Variants in RGS22 observed in about 807,000 individuals in gnomAD.
RGS22 encodes the protein regulator of G-protein signaling 22.
RGS22 carries 148 observed loss-of-function variants against 172.9 expected under a neutral mutation model. The ratio of observed to expected loss-of-function variants is 0.86; its 90% CI spans 0.75 to 0.98. RGS22 has a LOEUF of 0.98. Ranked by LOEUF, RGS22 falls within the 50% of genes least tolerant of loss-of-function variation. RGS22 has a pLI of 0.00. For missense variants in RGS22, 1,347 were observed against 1,440.8 expected (o/e 0.93, Z 1.05); for synonymous variants, 458 against 480.2 (o/e 0.95, Z 0.60).
At position 100,066,234 on chromosome 8, in the gene RGS22, T is replaced by C; in HGVS notation, c.657A>G (p.Ser219=). Reference sequence around the variant, plus strand: ...GTACACAACAGGGTAACGAAAAGGTTGATACTGTTTGCTGACTTTGTTTTG... The same window carrying C: ...GTACACAACAGGGTAACGAAAAGGTCGATACTGTTTGCTGACTTTGTTTTG... The part of the protein sequence containing the change: ...ALAKQSQQTV[S]TFSLPCCVPY... Residue 219 remains serine (S), a synonymous_variant, in exon 7 of 28, where the codon TCA becomes TCG. Transcript: ENST00000360863. The C allele has an allele frequency of 6.2e-7, 1 of 1,613,366 alleles. No individual in the cohort carries two copies. The highest frequency in any genetic ancestry group is 8.5e-7 in the Non-Finnish European group (1 of 1,179,382).
In RGS22 at chr8:100,071,361, A is replaced by T; in HGVS notation, c.594+8T>A. 1 of 1,593,802 alleles carries T rather than the reference A, an allele frequency of 6.3e-7. No homozygotes were observed. Among genetic ancestry groups the T allele is most frequent in the Non-Finnish European group, 8.5e-7 (1 of 1,172,158 alleles). ...CGCTAAGTCATGAAAAAATGCTCAT[A>T]CTTTTACCTCACCAAGTGATACATA... On this transcript the variant is annotated splice_region_variant and intron_variant, in intron 6 of 27. Coordinates refer to ENST00000360863, the MANE Select transcript of RGS22 (RefSeq NM_015668.5).
At chr8:100,041,434 G>A (rs1820101600) in intron 12 of RGS22, among the ~76,000 whole-genome samples, 1 of 150,550 alleles carries the variant, frequency 6.6e-6, no homozygotes, top group African/African-American at 2.4e-5. Context: ...AGGTTGCAGT[G>A]AGCCAAGACC....
chr8:100,022,662 A>C (rs1443116975), intron 14 of RGS22, among the ~76,000 whole-genome samples: 1 of 152,112 alleles, frequency 6.6e-6, no homozygotes, highest in Non-Finnish European at 1.5e-5. Flanking sequence ...ATATACATTT[A>C]AACTAATGGA....
At chr8:100,023,578 C>T (rs1817845210) in intron 14 of RGS22, among the ~76,000 whole-genome samples, 1 of 152,084 alleles carries the variant, frequency 6.6e-6, no homozygotes, top group South Asian at 2.1e-4. Flanking sequence ...GGACTACAAG[C>T]ACGGGCCACC....
chr8:100,101,051 T>A (rs1224030931), intron 2 of RGS22, among the ~76,000 whole-genome samples: 1 of 152,186 alleles, frequency 6.6e-6, no homozygotes, highest in Non-Finnish European at 1.5e-5. Flanking sequence ...GAAGACTTGA[T>A]AAAGACTTTT....
chr8:100,014,604 G>A (rs951266445), intron 14 of RGS22, among the ~76,000 whole-genome samples: 5 of 151,762 alleles, frequency 3.3e-5, no homozygotes, highest in African/African-American at 7.3e-5. Flanking sequence ...CTCTGACTTC[G>A]CCAACCCTTT....
chr8:100,045,756 T>C (rs1820653209), intron 11 of RGS22, among the ~76,000 whole-genome samples: 2 of 151,116 alleles, frequency 1.3e-5, no homozygotes, highest in African/African-American at 4.8e-5. Flanking sequence ...AATTGTTGAA[T>C]TAATGTTGAA....
intron 23 of RGS22, among the ~76,000 whole-genome samples, chr8:99,967,554 G>A (rs565326418): frequency 2.0e-5 from 3 of 152,238 alleles, no homozygotes; most frequent in East Asian, 1.9e-4. Flanking sequence ...GGGGAGGGGC[G>A]TCTGCCATTA....
In RGS22 at chr8:100,039,992, AAAG is replaced by A. The variant is rs1452475296; in HGVS notation, c.2031_2033del (p.Phe678del). On this transcript the variant is annotated inframe_deletion, in exon 13 of 28. Transcript: ENST00000360863. ...TCCCTGAATGCTCGCAGAATTTAGT[AAAG>A]AAGAATCCAGCTCTATTTTCTACAT... is the stretch of plus-strand genomic sequence containing the variant. The A allele has an allele frequency of 1.9e-6, 3 of 1,591,776 alleles. No homozygotes were observed. In the African/African-American group the frequency reaches 4.0e-5, roughly 21 times the overall value.
intron 14 of RGS22, among the ~76,000 whole-genome samples, chr8:100,032,732 T>A (rs1290177264): frequency 6.6e-6 from 1 of 152,056 alleles, no homozygotes; most frequent in Non-Finnish European, 1.5e-5. Flanking sequence ...CAGCACCACA[T>A]AGCACTTATT....
At position 100,091,750 on chromosome 8, in the gene RGS22, G is replaced by T. The variant is rs571869617; in HGVS notation, c.117+1697C>A. The T allele has an allele frequency of 3.3e-5, 5 of 152,264 alleles. No homozygotes were observed. In the South Asian group the frequency reaches 1.0e-3, roughly 32 times the overall value. 9.4% of individuals were successfully genotyped at this position (152,264 alleles called of 1,614,324 possible). A position where few individuals can be genotyped will look rare whatever the true frequency, so the allele number is the denominator to read the frequency against. ...TCACAAAAATGTACTTGTTTTGGAG[G>T]GAGAGTGGAGATTGCAGAGCCCACA... On this transcript the variant is annotated intron_variant, in intron 3 of 27. Transcript: ENST00000360863.
chr8:99,998,097 T>C (rs1345319573), intron 19 of RGS22, among the ~76,000 whole-genome samples: 1 of 152,224 alleles, frequency 6.6e-6, no homozygotes, highest in Non-Finnish European at 1.5e-5. Context: ...TGCATATTTT[T>C]CCATAGTACA....
At position 100,019,731 on chromosome 8, in the gene RGS22, TC is replaced by T. The variant is rs550913619; in HGVS notation, c.2167-11163del. Among the ~76,000 whole-genome samples, 221 of 152,206 alleles carry T rather than the reference TC, an allele frequency of 1.5e-3. 1 individual carries two copies. The highest frequency in any genetic ancestry group is 1.8e-3 in the Non-Finnish European group (121 of 68,012). Reference sequence around the variant, plus strand: ...AGTCCCTTTTTTTTAGACCCATTACTCGACTAAAAAGTAAAAGAGGGAATTC... The same window carrying T: ...AGTCCCTTTTTTTTAGACCCATTACTGACTAAAAAGTAAAAGAGGGAATTC... On this transcript the variant is annotated intron_variant, in intron 14 of 27. Coordinates refer to ENST00000360863, the MANE Select transcript of RGS22 (RefSeq NM_015668.5).
At chr8:100,051,571 TTATA>T (rs576103096) in intron 10 of RGS22, among the ~76,000 whole-genome samples, 1 of 86,524 alleles carries the variant, frequency 1.2e-5, no homozygotes, top group African/African-American at 5.7e-5. Context: ...AAATATATAT[TTATA>T]TATGTTTATA....
chr8:100,040,846 C>G (rs993360558), intron 12 of RGS22, among the ~76,000 whole-genome samples: 4 of 152,100 alleles, frequency 2.6e-5, no homozygotes, highest in African/African-American at 9.7e-5. Flanking sequence ...TTCTCACTCT[C>G]TTTTTGTCCT....
intron 18 of RGS22, among the ~76,000 whole-genome samples, chr8:100,001,329 TG>T (rs1281049514): frequency 1.4e-4 from 21 of 150,676 alleles, no homozygotes; most frequent in African/African-American, 4.6e-4. Flanking sequence ...CTCTGCCTCC[TG>T]GGTTTAAGGG....
chr8:100,087,383 G>GTCAAT (rs1394368039), intron 3 of RGS22, among the ~76,000 whole-genome samples: 1 of 152,076 alleles, frequency 6.6e-6, no homozygotes, highest in East Asian at 1.9e-4. Context: ...TGACCTGAAG[G>GTCAAT]TGGTGAAAGC....
At chr8:100,028,904 G>A (rs531635883) in intron 14 of RGS22, among the ~76,000 whole-genome samples, 9 of 152,212 alleles carry the variant, frequency 5.9e-5, no homozygotes, top group Non-Finnish European at 8.8e-5. Flanking sequence ...ATATAGCAAC[G>A]GTGATGATTT....
At chr8:99,967,384 C>T (rs1810861230) in intron 23 of RGS22, among the ~76,000 whole-genome samples, 1 of 151,860 alleles carries the variant, frequency 6.6e-6, no homozygotes, top group Admixed American at 6.6e-5. Context: ...GAGACAGAAC[C>T]ATTCACTCCC....
Sources: allele counts gnomAD v4.1 joint callset (sites outside exome capture counted in the v4.1 genomes callset), GRCh38; gene constraint gnomAD v4.1.1; transcripts MANE v1.5; gene names NCBI Gene and HGNC (gene_info 2026-07-23, HGNC 2026-07-21).